BAG6: variants seen among roughly 807,000 people sequenced by gnomAD.
BAG6 encodes large proline-rich protein BAG6.
In BAG6, 22 loss-of-function variants were observed where a neutral mutation model predicts 121.0. The observed-to-expected ratio is 0.18, with a 90% CI of 0.13 to 0.26. BAG6 has a LOEUF of 0.26. Ranked by LOEUF, BAG6 falls within the 10% of genes least tolerant of loss-of-function variation. BAG6 has a pLI of 1.00. For missense variants in BAG6, 1,233 were observed against 1,537.7 expected, an observed-to-expected ratio of 0.80 and a Z score of 3.31; for synonymous variants, 583 against 584.6, an observed-to-expected ratio of 1.00 and a Z score of 0.04.
intron 8 of BAG6, among the ~76,000 whole-genome samples, 154 bp downstream of exon 8, chr6:31,646,240 C>T (rs1789026258): frequency 6.6e-6 from 1 of 152,210 alleles, no homozygotes; most frequent in Non-Finnish European, 1.5e-5. Context: ...CCCACCTTGG[C>T]CTCCCAAAGT....
At chr6:31,651,142 C>G (rs894883058) in intron 2 of BAG6, among the ~76,000 whole-genome samples, 2 of 152,216 alleles carry the variant, frequency 1.3e-5, no homozygotes, top group Non-Finnish European at 2.9e-5. Flanking sequence ...CTGTATTTCC[C>G]TCTGCATTAA....
At chr6:31,645,254 A>G (rs1787811479) in intron 9 of BAG6, 56 bp from the exon 10 acceptor site, 1 of 1,599,604 alleles carries the variant, frequency 6.3e-7, no homozygotes, top group Non-Finnish European at 8.5e-7. Context: ...CCTAACCAAG[A>G]AAACCTCATG....
At chr6:31,648,833 C>T in intron 5 of BAG6, 78 bp downstream of exon 5, 4 of 1,592,118 alleles carry the variant, frequency 2.5e-6, no homozygotes, top group Non-Finnish European at 2.6e-6. Context: ...TCCCAGCCAT[C>T]TCTCAGCCAG....
At position 31,651,652 on chromosome 6, in the gene BAG6, T is replaced by C; in HGVS notation, c.108+4A>G. 1 of 1,612,712 alleles carries C rather than the reference T, an allele frequency of 6.2e-7. No homozygotes were observed. Among genetic ancestry groups the C allele is most frequent in the Non-Finnish European group, 8.5e-7 (1 of 1,179,690 alleles). On this transcript the variant is annotated splice_donor_region_variant and intron_variant, in intron 2 of 25. Coordinates refer to ENST00000676615, the MANE Select transcript of BAG6 (RefSeq NM_001387994.1). ...TGTCTTCCAGAACTAGTGAGGTGTCTCACCTGGGCCCCCACAATAAAGGTA... is the reference window on the plus strand; with the variant it reads ...TGTCTTCCAGAACTAGTGAGGTGTCCCACCTGGGCCCCCACAATAAAGGTA...
chr6:31,639,706 C>T (rs369234950), intron 24 of BAG6, 60 bp from the exon 25 acceptor site: 76 of 1,545,682 alleles, frequency 4.9e-5, no homozygotes, highest in Non-Finnish European at 6.3e-5. Context: ...TGCCACCATC[C>T]GGCTCACCCT....
chr6:31,647,645 G>A lies in BAG6; in HGVS notation c.734C>T (p.Thr245Ile), dbSNP rs370794270. ...ERAPAQNPEL[T>I]PGPAPAGPTP... ...TGGGCCCGCTGGGGCTGGGCCAGGA[G>A]TGAGCTCCGGGTTCTGGGCTGGGGC... Residue 245 changes from threonine to isoleucine, a missense_variant, in exon 7 of 26, where the codon ACT (threonine) becomes ATT (isoleucine). Physicochemically the swap from Thr to Ile is moderately conservative, Grantham distance 89. Around this residue, in one of 7 missense-constraint regions of BAG6, gnomAD observed 777 missense variants for 861.4 expected, o/e 0.90. Coordinates refer to ENST00000676615, the MANE Select transcript of BAG6 (RefSeq NM_001387994.1). The A allele has an allele frequency of 3.5e-5, 57 of 1,606,112 alleles. No homozygotes were observed. The East Asian group carries it at 8.8e-4, about 25-fold the overall frequency.
chr6:31,649,714 G>A (rs1794205511), intron 2 of BAG6, 87 bp from the exon 3 acceptor site: 3 of 1,148,318 alleles, frequency 2.6e-6, no homozygotes, highest in Admixed American at 3.5e-5. Context: ...GAGGTGAGGG[G>A]TAAAAACCAC....
At chr6:31,643,537 C>A (rs1785089287) in intron 14 of BAG6, among the ~76,000 whole-genome samples, 1 of 151,792 alleles carries the variant, frequency 6.6e-6, no homozygotes, top group Non-Finnish European at 1.5e-5. Context: ...TCCTGGCCAA[C>A]ATGGTGAAAC....
chr6:31,646,358 G>A (rs1287977530), intron 8 of BAG6, 36 bp downstream of exon 8: 51 of 1,604,654 alleles, frequency 3.2e-5, no homozygotes, highest in Non-Finnish European at 4.3e-5. Flanking sequence ...GAGTACTGGG[G>A]CTGAGGAGAA....
Position 31,648,937 on chromosome 6 carries a change from T to C in BAG6, c.451A>G (p.Ile151Val). 2.0e-6 allele frequency: 3 copies of C among 1,531,622 alleles called. No homozygotes were observed. The highest frequency in any genetic ancestry group is 2.6e-6 in the Non-Finnish European group (3 of 1,141,956). The allele number at this position is 1,531,622 out of a possible 1,614,324, so 94.9% of individuals were successfully genotyped here. ...TGAATCGGGGCCTGTTCCATGTTGA[T>C]GTGAACATCCACAGCAGAGCCGTCA... ...PSDGSAVDVH[I>V]NMEQAPIQSE... Residue 151 changes from isoleucine to valine, a missense_variant, in exon 5 of 26, where the codon ATC (isoleucine) becomes GTC (valine). Physicochemically the swap from Ile to Val is conservative, Grantham distance 29. Transcript: ENST00000676615.
Position 31,639,211 on chromosome 6 carries a change from G to C in BAG6, c.3409C>G (p.Gln1137Glu), listed in dbSNP as rs374964997. 150 of 1,566,028 alleles carry C rather than the reference G, an allele frequency of 9.6e-5. No individual in the cohort carries two copies. The highest frequency in any genetic ancestry group is 3.4e-5 in the Admixed American group (2 of 58,872). The change falls in exon 26 of 26, where the codon CAA becomes GAA. Residue 1137 changes from glutamine (Q) to glutamate (E), a missense_variant. Gln to Glu is a conservative substitution (Grantham distance 29, BLOSUM62 2). Coordinates refer to ENST00000676615, the MANE Select transcript of BAG6 (RefSeq NM_001387994.1). ...SYRQQLRSDI[Q>E]KRLQEDPNYS... ...TTGGGGTCTTCCTGCAGTCGTTTTT[G>C]TATATCAGACCGGAGCTAAAGAGAA...
At chr6:31,643,716 C>A (rs1470419217) in intron 14 of BAG6, among the ~76,000 whole-genome samples, 174 bp downstream of exon 14, 2 of 45,688 alleles carry the variant, frequency 4.4e-5, no homozygotes, top group Non-Finnish European at 7.5e-5. Context: ...AGTGAGACTC[C>A]ATCTCAAAAA....
In BAG6 at chr6:31,649,537, G is replaced by A. The variant is rs748565610; in HGVS notation, c.199C>T (p.Gln67Ter). ...QRLIYQGRVL[Q>*]DDKKLQEYNV... ...TATTCCTGAAGCTTCTTATCATCTTGCAGAACTCGTCCCTGGTAAATGAGC... is the reference window on the plus strand; with the variant it reads ...TATTCCTGAAGCTTCTTATCATCTTACAGAACTCGTCCCTGGTAAATGAGC... The change falls in exon 3 of 26, where the codon CAA (glutamine) becomes TAA (stop). Residue 67 changes from glutamine (Q) to a stop codon, truncating the protein, a stop_gained. Transcript: ENST00000676615. LOFTEE classifies it high-confidence loss of function. The A allele has an allele frequency of 6.2e-7, 1 of 1,614,152 alleles. No individual in the cohort carries two copies. Among genetic ancestry groups the A allele is most frequent in the South Asian group, 1.1e-5 (1 of 91,078 alleles).
intron 25 of BAG6, 97 bp from the exon 26 acceptor site, chr6:31,639,323 C>A: frequency 2.1e-6 from 3 of 1,448,162 alleles, no homozygotes; most frequent in Non-Finnish European, 2.9e-6. Context: ...AACATTTCCC[C>A]CCCCAAGCAC....
At position 31,647,697 on chromosome 6, in the gene BAG6, T is replaced by C; in HGVS notation, c.682A>G (p.Met228Val). 4 of 1,604,734 alleles carry C rather than the reference T, an allele frequency of 2.5e-6. No homozygotes were observed. Among genetic ancestry groups the C allele is most frequent in the Non-Finnish European group, 3.4e-6 (4 of 1,176,886 alleles). Residue 228 changes from methionine to valine, a missense_variant, in exon 7 of 26, where the codon ATG (methionine) becomes GTG (valine). By Grantham distance (21) the Met-to-Val change is conservative. Coordinates refer to ENST00000676615, the MANE Select transcript of BAG6 (RefSeq NM_001387994.1). Reference protein sequence around the residue: ...VESEAPPREPMEAEEVEERAP... With the variant: ...VESEAPPREPVEAEEVEERAP... ...CGCTCCTCCACTTCTTCTGCCTCCA[T>C]GGGCTCCCGGGGAGGTGCTTCACTT...
chr6:31,652,183 G>T (rs1797669529), intron 1 of BAG6: 2 of 183,598 alleles, frequency 1.1e-5, no homozygotes, highest in Non-Finnish European at 2.4e-5. Flanking sequence ...GCGCACGCGC[G>T]CCACGCCCAT....
intron 15 of BAG6, chr6:31,642,607 C>T (rs1077394): frequency 0.65 from 427,701 of 654,902 alleles, 141,297 homozygotes; most frequent in South Asian, 0.71. Flanking sequence ...TCTGAACAGG[C>T]TGTCAGAAAG....
At position 31,647,668 on chromosome 6, in the gene BAG6, G is replaced by A. The variant is rs1215438180; in HGVS notation, c.711C>T (p.Ala237=). 1 of 1,604,842 alleles carries A rather than the reference G, an allele frequency of 6.2e-7. No individual in the cohort carries two copies. Among genetic ancestry groups the A allele is most frequent in the Admixed American group, 1.7e-5 (1 of 58,016 alleles). The change falls in exon 7 of 26, where the codon GCC becomes GCT. Residue 237 remains alanine (A), a synonymous_variant. Transcript: ENST00000676615. ...PMEAEEVEER[A]PAQNPELTPG... is the part of the protein sequence containing the mutation. ...GAGTGAGCTCCGGGTTCTGGGCTGGGGCACGCTCCTCCACTTCTTCTGCCT... is the reference window on the plus strand; with the variant it reads ...GAGTGAGCTCCGGGTTCTGGGCTGGAGCACGCTCCTCCACTTCTTCTGCCT...
In BAG6 at chr6:31,641,046, A is replaced by G; in HGVS notation, c.2787+58T>C. On this transcript the variant is annotated intron_variant, in intron 20 of 25. Coordinates refer to ENST00000676615, the MANE Select transcript of BAG6 (RefSeq NM_001387994.1). The surrounding 1 kb of genome is among the most constrained non-coding windows in gnomAD (Gnocchi z 5.7). ...TTTAGAAAAGAAAAATGAAAACTGC[A>G]GAGAATGGAAACCTCAGGAAACAAA... 2.5e-6 allele frequency: 4 copies of G among 1,603,502 alleles called. No homozygotes were observed. The highest frequency in any genetic ancestry group is 3.4e-6 in the Non-Finnish European group (4 of 1,174,546).
Sources: gnomAD v4.1 joint callset for allele counts (sites outside exome capture counted in the v4.1 genomes callset) on GRCh38, gnomAD v4.1.1 for gene constraint, gnomAD v4.1.1 regional missense constraint, Gnocchi (gnomAD v3.1) non-coding constraint, MANE v1.5 for transcripts, NCBI Gene and HGNC (gene_info 2026-07-23, HGNC 2026-07-21) for gene names.